Variants in PEBP4 observed in about 807,000 individuals in gnomAD.
The protein encoded by PEBP4 is phosphatidylethanolamine binding protein 4.
A neutral mutation model predicts 23.9 loss-of-function variants in PEBP4; 22 were observed. The ratio of observed to expected loss-of-function variants is 0.92; its 90% CI spans 0.66 to 1.31. The LOEUF is 1.31. PEBP4 is among the 40% of genes most tolerant of loss of function. PEBP4 has a pLI of 0.00. For synonymous variants in PEBP4, 112 were observed against 99.3 expected, an observed-to-expected ratio of 1.13 and a Z score of -0.76; for missense variants, 324 against 281.7, an observed-to-expected ratio of 1.15 and a Z score of -1.07.
intron 3 of PEBP4, among the ~76,000 whole-genome samples, chr8:22,839,456 A>T (rs901254370): frequency 6.6e-6 from 1 of 152,174 alleles, no homozygotes; most frequent in African/African-American, 2.4e-5. Context: ...GACTGGTCCT[A>T]TCTGGGCCTC....
At chr8:22,890,402 G>C (rs2457431) in intron 3 of PEBP4, among the ~76,000 whole-genome samples, 120,836 of 152,224 alleles carry the variant, frequency 0.79, 49,735 homozygotes, top group East Asian at 1. Flanking sequence ...GGAACTTTAT[G>C]TCAATAAGCA....
intron 4 of PEBP4, among the ~76,000 whole-genome samples, chr8:22,784,112 G>T (rs1446307830): frequency 6.6e-6 from 1 of 152,224 alleles, no homozygotes; most frequent in African/African-American, 2.4e-5. Flanking sequence ...ACTGCAGGCT[G>T]TTGTGGGGAT....
intron 4 of PEBP4, among the ~76,000 whole-genome samples, chr8:22,750,245 GT>G (rs1329281518): frequency 6.6e-6 from 1 of 152,098 alleles, no homozygotes; most frequent in African/African-American, 2.4e-5. Flanking sequence ...GGGATTACAG[GT>G]GCCTGCCACC....
At chr8:22,882,654 G>T (rs1808288933) in intron 3 of PEBP4, among the ~76,000 whole-genome samples, 1 of 152,046 alleles carries the variant, frequency 6.6e-6, no homozygotes, top group African/African-American at 2.4e-5. Context: ...TGACATTTTG[G>T]GGCCTCACTG....
chr8:22,746,134 T>TTC (rs1554480943), intron 4 of PEBP4, among the ~76,000 whole-genome samples: 3 of 151,458 alleles, frequency 2.0e-5, no homozygotes, highest in Non-Finnish European at 2.9e-5. Context: ...CCTTTTTTTT[T>TTC]CCCCTGCAAG....
intron 4 of PEBP4, among the ~76,000 whole-genome samples, chr8:22,753,465 T>C (rs987693159): frequency 3.3e-5 from 5 of 152,238 alleles, no homozygotes; most frequent in African/African-American, 4.8e-5. Context: ...CCCTTGGATA[T>C]AGCTGGCTCG....
chr8:22,713,415 G>A lies in PEBP4; in HGVS notation c.639C>T (p.Ala213=). ...SPTLQAPRER[A]SEPKHKNQAE... ...CCTGGTTTTTGTGCTTGGGCTCGCT[G>A]GCCCTTTCTCTGGGAGCCTGGAGGG... is the stretch of plus-strand genomic sequence containing the variant. The change falls in exon 7 of 7, where the codon GCC becomes GCT. Residue 213 remains alanine, a synonymous_variant. Coordinates refer to ENST00000256404, the MANE Select transcript of PEBP4 (RefSeq NM_144962.3). The A allele has an allele frequency of 6.2e-7, 1 of 1,611,320 alleles. No individual in the cohort carries two copies. Among genetic ancestry groups the A allele is most frequent in the Non-Finnish European group, 8.5e-7 (1 of 1,179,106 alleles).
At chr8:22,905,794 A>G (rs1166882834) in intron 3 of PEBP4, among the ~76,000 whole-genome samples, 1 of 152,166 alleles carries the variant, frequency 6.6e-6, no homozygotes, top group Non-Finnish European at 1.5e-5. Flanking sequence ...GTTGCTGGTG[A>G]ATGGAAAAGA....
intron 3 of PEBP4, chr8:22,884,023 A>C (rs1808319376): frequency 6.6e-6 from 1 of 152,188 alleles, no homozygotes; most frequent in Non-Finnish European, 1.5e-5. Flanking sequence ...CTCCAATCTG[A>C]GAAGGGAACC....
At chr8:22,768,019 G>C (rs1440283417) in intron 4 of PEBP4, among the ~76,000 whole-genome samples, 1 of 152,212 alleles carries the variant, frequency 6.6e-6, no homozygotes. Flanking sequence ...ACAGGCGTGA[G>C]CCACTGTGCC....
chr8:22,755,186 G>T (rs1166341183), intron 4 of PEBP4, among the ~76,000 whole-genome samples: 1 of 152,174 alleles, frequency 6.6e-6, no homozygotes, highest in Non-Finnish European at 1.5e-5. Flanking sequence ...ATCTGCTTGA[G>T]TGATTCTTAA....
intron 4 of PEBP4, among the ~76,000 whole-genome samples, chr8:22,765,652 T>A (rs1805597512): frequency 1.3e-5 from 2 of 152,248 alleles, no homozygotes; most frequent in African/African-American, 4.8e-5. Flanking sequence ...AAGAGTCCTC[T>A]TCTACTCCAG....
At chr8:22,756,846 G>A (rs193138285) in intron 4 of PEBP4, 4 of 152,068 alleles carry the variant, frequency 2.6e-5, no homozygotes, top group Admixed American at 2.0e-4. Context: ...GGGAGTACCT[G>A]ACCTCCCTCA....
In PEBP4 at chr8:22,915,391, AC is replaced by A. The variant is rs1809051466; in HGVS notation, c.258+4792del. On this transcript the variant is annotated intron_variant, in intron 3 of 6. Coordinates refer to ENST00000256404, the MANE Select transcript of PEBP4 (RefSeq NM_144962.3). ...ATGTGCCCCTGCCCTACCCGCCCCG[AC>A]CCCCGACCCAACCACAAGCCTCATC... Among the ~76,000 whole-genome samples, 4 of 126,732 alleles carry A rather than the reference AC, an allele frequency of 3.2e-5. No individual in the cohort carries two copies. The South Asian group carries it at 1.2e-3, about 37-fold the overall frequency. The allele number at this position is 126,732 out of a possible 152,430, so 83.1% of individuals were successfully genotyped here.
chr8:22,855,606 C>T (rs115800785), intron 3 of PEBP4, among the ~76,000 whole-genome samples: 13 of 152,018 alleles, frequency 8.6e-5, no homozygotes, highest in South Asian at 2.1e-4. Flanking sequence ...TGGAACTCAG[C>T]GTTAAATCAA....
intron 4 of PEBP4, among the ~76,000 whole-genome samples, chr8:22,751,452 AAC>A (rs1805256382): frequency 6.6e-6 from 1 of 152,180 alleles, no homozygotes; most frequent in South Asian, 2.1e-4. Flanking sequence ...TATCTTGATG[AAC>A]TAAGGGAGGA....
intron 3 of PEBP4, among the ~76,000 whole-genome samples, chr8:22,912,898 G>A (rs528577079): frequency 1.4e-4 from 22 of 152,250 alleles, no homozygotes; most frequent in Middle Eastern, 3.4e-3. Context: ...TGGGTGCTGC[G>A]CGCCCTCCTC....
At chr8:22,729,725 C>A (rs1489587946) in intron 4 of PEBP4, among the ~76,000 whole-genome samples, 1 of 152,198 alleles carries the variant, frequency 6.6e-6, no homozygotes, top group Non-Finnish European at 1.5e-5. Context: ...TGTTCAGGTC[C>A]CCCCTGGAGC....
chr8:22,806,472 A>G (rs1244318001), intron 4 of PEBP4, among the ~76,000 whole-genome samples: 2 of 152,090 alleles, frequency 1.3e-5, no homozygotes, highest in East Asian at 3.9e-4. Context: ...AAAATTAGCC[A>G]GGTGTGGTGG....
Sources: gnomAD v4.1 joint callset for allele counts (sites outside exome capture counted in the v4.1 genomes callset) on GRCh38, gnomAD v4.1.1 for gene constraint, MANE v1.5 for transcripts, NCBI Gene and HGNC (gene_info 2026-07-23, HGNC 2026-07-21) for gene names.